The following PRTG variants were observed in gnomAD, a reference collection of about 807,000 sequenced individuals.
PRTG encodes protogenin.
Under a neutral mutation model 122.5 loss-of-function variants are expected in PRTG, and 67 were observed. The observed-to-expected ratio is 0.55, with a 90% CI of 0.45 to 0.67. The LOEUF (loss-of-function observed/expected upper bound fraction) is 0.67. PRTG is among the 30% of genes least tolerant of loss of function. The pLI is 0.00. For missense variants in PRTG, 1,435 were observed against 1,415.4 expected (o/e 1.01, Z -0.22); for synonymous variants, 554 against 501.1 (o/e 1.11, Z -1.41).
At chr15:55,677,514 G>A (rs1225717678) in intron 8 of PRTG, among the ~76,000 whole-genome samples, 4 of 152,204 alleles carry the variant, frequency 2.6e-5, no homozygotes, top group Middle Eastern at 6.8e-3. Context: ...AATGAAATTC[G>A]TAAGTACACC....
In PRTG at chr15:55,673,285, T is replaced by G. The variant is rs1335474420; in HGVS notation, c.1852+86A>C. ...AATATTTTTATTTGTAAAACAAAAT[T>G]TAAAAATATAAACATAATTTAGAGA... On this transcript the variant is annotated intron_variant, in intron 10 of 19. Coordinates refer to ENST00000389286, the MANE Select transcript of PRTG (RefSeq NM_173814.6). The G allele has an allele frequency of 3.0e-6, 3 of 986,144 alleles. No homozygotes were observed. In the African/African-American group the frequency reaches 4.9e-5, roughly 16 times the overall value. The allele number at this position is 986,144 out of a possible 1,614,324, so 61.1% of individuals were successfully genotyped here.
At chr15:55,701,148 T>G (rs1595662631) in intron 2 of PRTG, among the ~76,000 whole-genome samples, 1 of 152,206 alleles carries the variant, frequency 6.6e-6, no homozygotes, top group Non-Finnish European at 1.5e-5. Flanking sequence ...ATGGAGTACC[T>G]GGAACTCTGA....
At chr15:55,669,788 A>C (rs2059458262) in intron 11 of PRTG, among the ~76,000 whole-genome samples, 1 of 152,248 alleles carries the variant, frequency 6.6e-6, no homozygotes, top group Admixed American at 6.5e-5. Context: ...CTAACAAGAA[A>C]GTCTCTACAG....
intron 12 of PRTG, among the ~76,000 whole-genome samples, chr15:55,640,469 A>G (rs986182695): frequency 2.6e-5 from 4 of 152,208 alleles, no homozygotes; most frequent in African/African-American, 9.7e-5. Context: ...TCAGGCTACT[A>G]GCCAAAGACA....
intron 11 of PRTG, among the ~76,000 whole-genome samples, chr15:55,645,328 G>C (rs1198846855): frequency 6.8e-6 from 1 of 147,024 alleles, no homozygotes; most frequent in Non-Finnish European, 1.5e-5. Context: ...CAGCTACACG[G>C]GAGGCTGAGG....
chr15:55,632,553 A>G (rs1362770047), intron 15 of PRTG, among the ~76,000 whole-genome samples: 1 of 151,688 alleles, frequency 6.6e-6, no homozygotes, highest in Non-Finnish European at 1.5e-5. Flanking sequence ...TTACCTCCCT[A>G]CTTCATTTCT....
chr15:55,639,682 C>A lies in PRTG; in HGVS notation c.2284G>T (p.Val762Phe), dbSNP rs2059278443. The A allele has an allele frequency of 6.2e-7, 1 of 1,614,058 alleles. No individual in the cohort carries two copies. The highest frequency in any genetic ancestry group is 1.1e-5 in the South Asian group (1 of 91,056). The change falls in exon 13 of 20, where the codon GTT (valine) becomes TTT (phenylalanine). Residue 762 changes from valine to phenylalanine, a missense_variant. Transcript: ENST00000389286. ...IINYTIRCNPVGLQNASLVLY... is the reference protein window; with the variant it reads ...IINYTIRCNPFGLQNASLVLY... ...ACCAAAGAAGCATTCTGCAGGCCAA[C>A]AGGATTACAGCGGATGGTGTAGTTA...
rs1567067860 is a variant in PRTG at position 55,612,737 on chromosome 15, T to TATATATATATATACAC, written c.*7274_*7275insGTGTATATATATATAT. 1 of 54,314 alleles carries TATATATATATATACAC rather than the reference T, an allele frequency of 1.8e-5. No individual in the cohort carries two copies. The highest frequency in any genetic ancestry group is 4.6e-5 in the African/African-American group (1 of 21,652). The allele number at this position is 54,314 out of a possible 1,614,324, so 3.4% of individuals were successfully genotyped here. On this transcript the variant is annotated 3_prime_UTR_variant, in exon 20 of 20. Transcript: ENST00000389286. Reference sequence around the variant, plus strand: ...ATATATATATATATATATATATATATATATATATATATGACTTAAATTGGA... The same window carrying TATATATATATATACAC: ...ATATATATATATATATATATATATATATATATATATATACACATATATATATATGACTTAAATTGGA...
intron 11 of PRTG, among the ~76,000 whole-genome samples, chr15:55,645,420 C>A (rs1220693549): frequency 3.6e-5 from 1 of 27,866 alleles, no homozygotes; most frequent in Non-Finnish European, 1.1e-4. Context: ...GGCGACAGAG[C>A]GAAACTCCGT....
At chr15:55,647,635 ATAAT>A (rs1170492672) in intron 11 of PRTG, among the ~76,000 whole-genome samples, 1 of 152,210 alleles carries the variant, frequency 6.6e-6, no homozygotes, top group East Asian at 1.9e-4. Flanking sequence ...TAGAGTTCCT[ATAAT>A]TAATAAACAC....
At chr15:55,698,738 A>G (rs1303448179) in intron 2 of PRTG, among the ~76,000 whole-genome samples, 1 of 152,158 alleles carries the variant, frequency 6.6e-6, no homozygotes, top group Non-Finnish European at 1.5e-5. Flanking sequence ...TTTAAAAACA[A>G]TGTGGCAGTT....
At chr15:55,720,397 A>G (rs1443023461) in intron 2 of PRTG, among the ~76,000 whole-genome samples, 1 of 152,198 alleles carries the variant, frequency 6.6e-6, no homozygotes, top group Non-Finnish European at 1.5e-5. Flanking sequence ...ACATAAAAAA[A>G]AAACTATGGC....
At chr15:55,660,161 G>A (rs1304848104) in intron 11 of PRTG, among the ~76,000 whole-genome samples, 1 of 152,024 alleles carries the variant, frequency 6.6e-6, no homozygotes, top group Non-Finnish European at 1.5e-5. Context: ...TTTTCCTCCA[G>A]GAAGCGTGGT....
chr15:55,629,373 A>ATGTGTGTGTG (rs1491345628), intron 15 of PRTG, among the ~76,000 whole-genome samples: 72 of 54,324 alleles, frequency 1.3e-3, no homozygotes, highest in African/African-American at 1.8e-3. Context: ...ATATATATAT[A>ATGTGTGTGTG]TATGTGTGTG....
chr15:55,742,624 C>T (rs1431240224), intron 1 of PRTG: 3 of 566,078 alleles, frequency 5.3e-6, no homozygotes. Context: ...GCTCCCGCAG[C>T]CCTGCCCAAG....
In PRTG at chr15:55,639,654, A is replaced by T. The variant is rs777998694; in HGVS notation, c.2312T>A (p.Leu771Gln). The T allele has an allele frequency of 1.9e-5, 31 of 1,613,934 alleles. No individual in the cohort carries two copies. In the South Asian group the frequency reaches 2.7e-4, roughly 14 times the overall value. Residue 771 changes from leucine to glutamine, a missense_variant, in exon 13 of 20, where the codon CTG (leucine) becomes CAG (glutamine). Coordinates refer to ENST00000389286, the MANE Select transcript of PRTG (RefSeq NM_173814.6). Reference protein sequence around the residue: ...PVGLQNASLVLYLQTSETHML... With the variant: ...PVGLQNASLVQYLQTSETHML... ...AGGAGCTACATACGTTTGAAGGTAC[A>T]GAACCAAAGAAGCATTCTGCAGGCC...
intron 18 of PRTG, among the ~76,000 whole-genome samples, chr15:55,623,467 T>A (rs1286179989): frequency 2.0e-5 from 3 of 152,116 alleles, no homozygotes; most frequent in Non-Finnish European, 4.4e-5. Flanking sequence ...CTCGGGAGGC[T>A]GAGGCAGGAG....
At chr15:55,656,502 G>C (rs959218979) in intron 11 of PRTG, 1 of 357,404 alleles carries the variant, frequency 2.8e-6, no homozygotes, top group African/African-American at 2.2e-5. Flanking sequence ...TCCTAACCCA[G>C]AGCAGTGTAA....
chr15:55,733,351 A>G (rs2031301582), intron 2 of PRTG, among the ~76,000 whole-genome samples: 1 of 151,946 alleles, frequency 6.6e-6, no homozygotes, highest in South Asian at 2.1e-4. Context: ...TCTCTACTAA[A>G]AATACAAAAT....
Sources: gnomAD v4.1 joint callset for allele counts (sites outside exome capture counted in the v4.1 genomes callset) on GRCh38, gnomAD v4.1.1 for gene constraint, MANE v1.5 for transcripts, NCBI Gene and HGNC (gene_info 2026-07-23, HGNC 2026-07-21) for gene names.